Variants in FNBP4 observed in about 807,000 individuals in gnomAD.
FNBP4 encodes formin-binding protein 4.
FNBP4 carries 34 observed loss-of-function variants against 119.3 expected under a neutral mutation model. The ratio of observed to expected loss-of-function variants is 0.28; its 90% CI spans 0.22 to 0.38. FNBP4 has a LOEUF of 0.38. FNBP4 is among the 10% of genes least tolerant of loss of function. The probability of loss-of-function intolerance (pLI) is 1.00; values close to 1 mark genes in which losing one functional copy is unlikely to be tolerated. For missense variants in FNBP4, 1,112 were observed against 1,228.9 expected, an observed-to-expected ratio of 0.90 and a Z score of 1.42; for synonymous variants, 462 against 430.6, an observed-to-expected ratio of 1.07 and a Z score of -0.90.
In FNBP4 at chr11:47,723,040, G is replaced by C. The variant is rs1347714151; in HGVS notation, c.2741C>G (p.Pro914Arg). Residue 914 changes from proline to arginine, a missense_variant, in exon 15 of 17, where the codon CCT becomes CGT. Pro to Arg is a moderately radical substitution (Grantham distance 103, BLOSUM62 -2). This residue lies in a region of FNBP4 where 826 missense variants were observed against 988.8 expected (regional missense o/e 0.84). Transcript: ENST00000263773. ...EPPPPPPPPP[P>R]PPPPAPKMPP... ...CATTTTGGGAGCTGGTGGTGGTGGA[G>C]GAGGAGGAGGAGGAGGTGGTGGTGG... 6.3e-6 allele frequency: 10 copies of C among 1,577,864 alleles called. No homozygotes were observed. The highest frequency in any genetic ancestry group is 8.6e-6 in the Non-Finnish European group (10 of 1,161,428).
intron 9 of FNBP4, among the ~76,000 whole-genome samples, chr11:47,736,298 T>C (rs1225298978): frequency 6.7e-6 from 1 of 150,354 alleles, no homozygotes; most frequent in Non-Finnish European, 1.5e-5. Flanking sequence ...GGCTGACGCC[T>C]GTAATCCCAG....
In FNBP4 at chr11:47,723,103, G is replaced by A. The variant is rs762458779; in HGVS notation, c.2678C>T (p.Ala893Val). The A allele has an allele frequency of 1.2e-6, 2 of 1,613,928 alleles. No individual in the cohort carries two copies. The highest frequency in any genetic ancestry group is 2.2e-5 in the South Asian group (2 of 91,056). ...GGTAGCGGTAGGCACAGCACCTCGG[G>A]CCTGAACTGGCTGCAATGAGGGAGC... ...VTAPSLQPVQ[A>V]RGAVPTATII... The change falls in exon 15 of 17, where the codon GCC (alanine) becomes GTC (valine). Residue 893 changes from alanine to valine, a missense_variant. By Grantham distance (64) the Ala-to-Val change is moderately conservative. This residue lies in a region of FNBP4 where 826 missense variants were observed against 988.8 expected (regional missense o/e 0.84). Coordinates refer to ENST00000263773, the MANE Select transcript of FNBP4 (RefSeq NM_015308.5).
rs1468082185 is a variant in FNBP4, at chr11:47,716,976, G to A, written c.*446C>T. On this transcript the variant is annotated 3_prime_UTR_variant, in exon 17 of 17. Coordinates refer to ENST00000263773, the MANE Select transcript of FNBP4 (RefSeq NM_015308.5). ...CCACTTAGACCTCAGCACTTCAGGG[G>A]TGGCCGACTAGAGAAAAGAGGCCAG... The A allele has an allele frequency of 1.3e-5, 2 of 157,820 alleles. No individual in the cohort carries two copies. The highest frequency in any genetic ancestry group is 4.8e-5 in the African/African-American group (2 of 41,476). The allele number at this position is 157,820 out of a possible 1,614,324, so 9.8% of individuals were successfully genotyped here.
intron 2 of FNBP4, among the ~76,000 whole-genome samples, chr11:47,762,840 A>G (rs980163262): frequency 1.1e-4 from 17 of 148,810 alleles, no homozygotes; most frequent in African/African-American, 3.9e-4. Flanking sequence ...AGCCCAGGAC[A>G]CAGAGACTGC....
At chr11:47,742,407 G>A (rs1029636269) in intron 8 of FNBP4, among the ~76,000 whole-genome samples, 4 of 139,110 alleles carry the variant, frequency 2.9e-5, no homozygotes, top group African/African-American at 1.1e-4. Context: ...GACCCCGGGA[G>A]GTGGAGGTTC....
chr11:47,734,923 A>C (rs12803191), intron 9 of FNBP4, among the ~76,000 whole-genome samples: 42,180 of 150,094 alleles, frequency 0.28, 6,862 homozygotes, highest in Middle Eastern at 0.38. Flanking sequence ...CAGTGAGCCA[A>C]GATTGTGCCA....
intron 10 of FNBP4, 128 bp downstream of exon 10, chr11:47,733,897 A>C: frequency 2.0e-6 from 1 of 512,598 alleles, no homozygotes; most frequent in Non-Finnish European, 3.4e-6. Flanking sequence ...TTGTCGGCTC[A>C]AATATTCTTC....
chr11:47,740,748 A>G (rs2097580824), intron 8 of FNBP4, among the ~76,000 whole-genome samples: 1 of 151,486 alleles, frequency 6.6e-6, no homozygotes, highest in Admixed American at 6.6e-5. Context: ...GAGCACCACC[A>G]GGTGCAGATA....
rs1453856550 is a variant in FNBP4 at position 47,716,874 on chromosome 11, G to A, written c.*548C>T. 2.6e-5 allele frequency: 4 copies of A among 152,508 alleles called. No individual in the cohort carries two copies. Among genetic ancestry groups the A allele is most frequent in the East Asian group, 1.9e-4 (1 of 5,202 alleles). 9.4% of individuals were successfully genotyped at this position (152,508 alleles called of 1,614,324 possible). The stretch of plus-strand genomic sequence containing the variant: ...GCTGCCTGTATGCCACCTAGTGTGC[G>A]AAACGACCGAGCTACCAGTTCTAGA... On this transcript the variant is annotated 3_prime_UTR_variant, in exon 17 of 17. Transcript: ENST00000263773.
chr11:47,724,552 C>T lies in FNBP4; in HGVS notation c.2235G>A (p.Glu745=), dbSNP rs777774022. Residue 745 remains glutamate (E), a synonymous_variant, in exon 13 of 17, where the codon GAG becomes GAA. Transcript: ENST00000263773. ...CTGGGGCAGGGGGCTCCTCACTTCC[C>T]TCATCCTCCATCTCTACCTCCTGGA... ...GEIQEVEMED[E]GSEEPPAPGT... 6.2e-7 allele frequency: 1 copy of T among 1,614,164 alleles called. No individual in the cohort carries two copies. Among genetic ancestry groups the T allele is most frequent in the South Asian group, 1.1e-5 (1 of 91,084 alleles).
At chr11:47,766,791 G>A (rs533504599) in intron 1 of FNBP4, among the ~76,000 whole-genome samples, 5 of 152,352 alleles carry the variant, frequency 3.3e-5, no homozygotes, top group Admixed American at 2.0e-4. Flanking sequence ...GGGCGTTTGG[G>A]AGACTCAGGA....
intron 3 of FNBP4, among the ~76,000 whole-genome samples, 181 bp downstream of exon 3, chr11:47,754,347 C>G (rs575705680): frequency 6.6e-6 from 1 of 152,074 alleles, no homozygotes; most frequent in East Asian, 1.9e-4. Flanking sequence ...GACCCCATCT[C>G]TTAAAGTTAA....
At chr11:47,720,164 T>C in intron 15 of FNBP4, 78 bp from the exon 16 acceptor site, 1 of 1,372,136 alleles carries the variant, frequency 7.3e-7, no homozygotes. Flanking sequence ...GAGGTCAGGA[T>C]CCTTTTCCCA....
In FNBP4 at chr11:47,766,880, C is replaced by G. The variant is rs368521228; in HGVS notation, c.220+189G>C. Among the ~76,000 whole-genome samples the G allele has an allele frequency of 3.9e-5, 6 of 152,064 alleles. No homozygotes were observed. The South Asian group carries it at 1.2e-3, about 31-fold the overall frequency. ...GATGGCGCCTCGGGCTTGGCCCGGG[C>G]CGAGGGCGCAGAACTCGGCCTGGCC... On this transcript the variant is annotated intron_variant, in intron 1 of 16. Transcript: ENST00000263773.
chr11:47,738,746 T>C (rs753556034), intron 8 of FNBP4, among the ~76,000 whole-genome samples: 2 of 151,632 alleles, frequency 1.3e-5, no homozygotes, highest in African/African-American at 4.8e-5. Context: ...AGTGGAGCTA[T>C]CTCGGCTCAT....
At chr11:47,734,384 A>T (rs975862318) in intron 9 of FNBP4, among the ~76,000 whole-genome samples, 2 of 152,170 alleles carry the variant, frequency 1.3e-5, no homozygotes, top group African/African-American at 4.8e-5. Context: ...AAAATTATTC[A>T]AAACAATTAT....
intron 8 of FNBP4, among the ~76,000 whole-genome samples, chr11:47,738,594 A>G (rs1389167178): frequency 6.6e-6 from 1 of 152,178 alleles, no homozygotes; most frequent in African/African-American, 2.4e-5. Flanking sequence ...TTAAAAAGCC[A>G]AAAATACCTC....
chr11:47,767,089 G>A lies in FNBP4; in HGVS notation c.200C>T (p.Ser67Leu), dbSNP rs1193629379. 1.3e-6 allele frequency: 2 copies of A among 1,531,516 alleles called. No individual in the cohort carries two copies. Among genetic ancestry groups the A allele is most frequent in the Admixed American group, 2.0e-5 (1 of 50,884 alleles). 94.9% of individuals were successfully genotyped at this position (1,531,516 alleles called of 1,614,324 possible). Residue 67 changes from serine (S) to leucine (L), a missense_variant, in exon 1 of 17, where the codon TCG becomes TTG. Transcript: ENST00000263773. The stretch of plus-strand genomic sequence containing the variant: ...CTTGCCTTCTGAAGGCGAGTCGTCC[G>A]AGGCCGCGGCGGCAGTCACCGCGGT... ...TTTAVTAAAASDDSPSEDEQE... is the reference protein window; with the variant it reads ...TTTAVTAAAALDDSPSEDEQE...
At chr11:47,765,639 T>C (rs1336797422) in intron 1 of FNBP4, among the ~76,000 whole-genome samples, 1 of 25,314 alleles carries the variant, frequency 4.0e-5, no homozygotes, top group Admixed American at 5.9e-4. Context: ...ACTCCATCTC[T>C]ACTAAAAATA....
Sources: gnomAD v4.1 joint callset for allele counts (sites outside exome capture counted in the v4.1 genomes callset) on GRCh38, gnomAD v4.1.1 for gene constraint, gnomAD v4.1.1 regional missense constraint, MANE v1.5 for transcripts, NCBI Gene and HGNC (gene_info 2026-07-23, HGNC 2026-07-21) for gene names.